The following TRAPPC10 variants were observed in gnomAD, a reference collection of about 807,000 sequenced individuals.
TRAPPC10 encodes the protein trafficking protein particle complex subunit 10.
TRAPPC10 carries 23 observed loss-of-function variants against 125.5 expected under a neutral mutation model. That is an observed-to-expected ratio of 0.18 (90% CI 0.13 to 0.26). The LOEUF (loss-of-function observed/expected upper bound fraction) is 0.26. Ranked by LOEUF, TRAPPC10 falls within the 10% of genes least tolerant of loss-of-function variation. TRAPPC10 has a pLI of 1.00. For synonymous variants in TRAPPC10, 509 were observed against 518.0 expected (o/e 0.98, Z 0.24); for missense variants, 1,123 against 1,308.4 (o/e 0.86, Z 2.19).
Position 44,094,175 on chromosome 21 carries a change from A to G in TRAPPC10, c.3110A>G (p.Glu1037Gly), listed in dbSNP as rs1366050477. 6.2e-7 allele frequency: 1 copy of G among 1,614,234 alleles called. No homozygotes were observed. The highest frequency in any genetic ancestry group is 2.2e-5 in the East Asian group (1 of 44,888). ...GTTGGATTTTCCCCAGCTTCTGAGG[A>G]ACAGCTGTCTATCTCCTTAAAGCCG... ...FSVGFSPASE[E>G]QLSISLKPYT... Residue 1037 changes from glutamate (E) to glycine (G), a missense_variant, in exon 20 of 23, where the codon GAA becomes GGA. Glu to Gly is a moderately conservative substitution (Grantham distance 98). Coordinates refer to ENST00000291574, the MANE Select transcript of TRAPPC10 (RefSeq NM_003274.5).
intron 3 of TRAPPC10, among the ~76,000 whole-genome samples, chr21:44,043,209 C>CTTT (rs34708259): frequency 2.9e-4 from 27 of 94,316 alleles, no homozygotes; most frequent in South Asian, 7.0e-4. Flanking sequence ...AATTATTACG[C>CTTT]TTTTTTTTTT....
At chr21:44,026,342 A>C (rs956724144) in intron 1 of TRAPPC10, among the ~76,000 whole-genome samples, 1 of 152,054 alleles carries the variant, frequency 6.6e-6, no homozygotes, top group Non-Finnish European at 1.5e-5. Context: ...TGAAGCATTA[A>C]TTTTCATTAC....
intron 19 of TRAPPC10, among the ~76,000 whole-genome samples, chr21:44,093,745 G>A (rs889953443): frequency 7.2e-5 from 11 of 152,116 alleles, no homozygotes; most frequent in African/African-American, 2.7e-4. Flanking sequence ...GCGACAAAGC[G>A]AGACTCCATT....
rs1363955685 is a variant in TRAPPC10 at position 44,076,569 on chromosome 21, C to A, written c.1318C>A (p.Pro440Thr). 2 of 1,614,006 alleles carry A rather than the reference C, an allele frequency of 1.2e-6. No homozygotes were observed. Among genetic ancestry groups the A allele is most frequent in the Non-Finnish European group, 1.7e-6 (2 of 1,179,928 alleles). Reference sequence around the variant, plus strand: ...TGTTTAAGCCAACACAGCTCAGAGTCCTTATAAGAAACTGAAAGAAGCATT... The same window carrying A: ...TGTTTAAGCCAACACAGCTCAGAGTACTTATAAGAAACTGAAAGAAGCATT... ...RPETANTAQS[P>T]YKKLKEALSS... is the part of the protein sequence containing the mutation. The change falls in exon 10 of 23, where the codon CCT becomes ACT. Residue 440 changes from proline (P) to threonine (T), a missense_variant. By Grantham distance (38) the Pro-to-Thr change is conservative. Coordinates refer to ENST00000291574, the MANE Select transcript of TRAPPC10 (RefSeq NM_003274.5).
At position 44,037,843 on chromosome 21, in the gene TRAPPC10, A is replaced by G. The variant is rs114309802; in HGVS notation, c.201A>G (p.Gln67=). 182 of 1,614,176 alleles carry G rather than the reference A, an allele frequency of 1.1e-4. 1 individual carries two copies. In the African/African-American group the frequency reaches 2.2e-3, roughly 20 times the overall value. Residue 67 remains glutamine (Q), a synonymous_variant, in exon 3 of 23, where the codon CAA becomes CAG. Transcript: ENST00000291574. Reference sequence around the variant, plus strand: ...TTCACCTAGAGTCTAACTTTGTTCAATTCAAAGAGGAGCTGCTGCCCAAAG... The same window carrying G: ...TTCACCTAGAGTCTAACTTTGTTCAGTTCAAAGAGGAGCTGCTGCCCAAAG... ...KMIHLESNFV[Q]FKEELLPKEG... is the part of the protein sequence containing the mutation.
chr21:44,032,818 A>T (rs576437340), intron 2 of TRAPPC10, among the ~76,000 whole-genome samples: 30 of 152,240 alleles, frequency 2.0e-4, no homozygotes, highest in Non-Finnish European at 4.1e-4. Context: ...GCGTTTTGCA[A>T]AGGAGACACG....
At chr21:44,046,835 G>T in intron 3 of TRAPPC10, 1 of 647,352 alleles carries the variant, frequency 1.5e-6, no homozygotes, top group South Asian at 1.6e-5. Flanking sequence ...TGCATTTCCT[G>T]CCAGTTCAAG....
At chr21:44,049,177 G>A (rs1025901935) in intron 3 of TRAPPC10, among the ~76,000 whole-genome samples, 1 of 152,108 alleles carries the variant, frequency 6.6e-6, no homozygotes, top group African/African-American at 2.4e-5. Context: ...ACACCCACAC[G>A]TGTACGTGCA....
At position 44,087,766 on chromosome 21, in the gene TRAPPC10, T is replaced by C; in HGVS notation, c.2607T>C (p.Val869=). ...AGGTCACGAGCATCAGTCTGCCTGT[T>C]GCGCCTGCGTACCACGTGATCGAAT... ...SDKVTSISLP[V]APAYHVIEFE... The change falls in exon 17 of 23, where the codon GTT becomes GTC. Residue 869 remains valine, a synonymous_variant. Transcript: ENST00000291574. The surrounding 1 kb of genome is among the most constrained non-coding windows in gnomAD (Gnocchi z 4.6). The C allele has an allele frequency of 6.2e-7, 1 of 1,614,226 alleles. No homozygotes were observed. Among genetic ancestry groups the C allele is most frequent in the South Asian group, 1.1e-5 (1 of 91,088 alleles).
At chr21:44,064,203 GT>G (rs2036257905) in intron 7 of TRAPPC10, among the ~76,000 whole-genome samples, 1 of 152,156 alleles carries the variant, frequency 6.6e-6, no homozygotes, top group African/African-American at 2.4e-5. Flanking sequence ...CAGATAAATA[GT>G]TTTGCACATG....
intron 1 of TRAPPC10, among the ~76,000 whole-genome samples, chr21:44,016,119 G>A (rs1243953259): frequency 4.6e-5 from 7 of 152,152 alleles, no homozygotes; most frequent in Non-Finnish European, 1.0e-4. Context: ...ATGAATGACC[G>A]AATCATAGCA....
At chr21:44,034,365 C>G (rs948004361) in intron 2 of TRAPPC10, among the ~76,000 whole-genome samples, 7 of 133,224 alleles carry the variant, frequency 5.3e-5, no homozygotes, top group African/African-American at 1.9e-4. Context: ...CCCTCAGGAA[C>G]CTGGAAAGTC....
At chr21:44,079,445 A>G in intron 11 of TRAPPC10, 119 bp from the exon 12 acceptor site, 2 of 1,146,866 alleles carry the variant, frequency 1.7e-6, no homozygotes, top group Non-Finnish European at 2.4e-6. Context: ...CTATCTAGAG[A>G]TGTTGAGTCT....
chr21:44,092,115 A>G (rs2038626722), intron 19 of TRAPPC10, 66 bp downstream of exon 19: 1 of 1,590,690 alleles, frequency 6.3e-7, no homozygotes, highest in Admixed American at 1.7e-5. Flanking sequence ...GAAATGATGT[A>G]GTATGTGTTG....
chr21:44,093,997 G>C (rs999783940), intron 19 of TRAPPC10, 66 bp from the exon 20 acceptor site: 1 of 1,515,770 alleles, frequency 6.6e-7, no homozygotes, highest in African/African-American at 1.4e-5. Flanking sequence ...GTGTTTCGCT[G>C]CAGTGTCTGT....
intron 3 of TRAPPC10, chr21:44,046,380 CAG>C: frequency 3.7e-6 from 1 of 272,918 alleles, no homozygotes; most frequent in East Asian, 1.1e-4. Context: ...TCTTCCCAGT[CAG>C]AGATTTGTGG....
At position 44,063,385 on chromosome 21, in the gene TRAPPC10, C is replaced by T. The variant is rs573786206; in HGVS notation, c.791-153C>T. On this transcript the variant is annotated intron_variant, in intron 6 of 22. Coordinates refer to ENST00000291574, the MANE Select transcript of TRAPPC10 (RefSeq NM_003274.5). The surrounding 1 kb of genome is among the most constrained non-coding windows in gnomAD (Gnocchi z 4.4). The stretch of plus-strand genomic sequence containing the variant: ...CAGCTCGGCTGTCAGTGCTGGGAGC[C>T]GAATGCATCACTAGACCACAGGGGG... 2.0e-4 allele frequency among the ~76,000 whole-genome samples: 31 copies of T among 152,214 alleles called. No individual in the cohort carries two copies. The highest frequency in any genetic ancestry group is 3.1e-4 in the Non-Finnish European group (21 of 68,010).
At position 44,031,114 on chromosome 21, in the gene TRAPPC10, T is replaced by A. The variant is rs569617813; in HGVS notation, c.68-977T>A. Among the ~76,000 whole-genome samples, 174 of 152,308 alleles carry A rather than the reference T, an allele frequency of 1.1e-3. 2 individuals are homozygous for A. The highest frequency in any genetic ancestry group is 1.7e-3 in the Non-Finnish European group (118 of 68,016). On this transcript the variant is annotated intron_variant, in intron 1 of 22. Transcript: ENST00000291574. Reference sequence around the variant, plus strand: ...TCACCGTGCCATCTGCCCGGAAATGTCATTACCCTTCCTCAGTGACTTGAC... The same window carrying A: ...TCACCGTGCCATCTGCCCGGAAATGACATTACCCTTCCTCAGTGACTTGAC...
intron 3 of TRAPPC10, among the ~76,000 whole-genome samples, chr21:44,044,744 A>G (rs1601637625): frequency 6.8e-6 from 1 of 146,970 alleles, no homozygotes; most frequent in East Asian, 2.0e-4. Flanking sequence ...GCTCACTGCA[A>G]CCTCCGCCTC....
Sources: gnomAD v4.1 joint callset for allele counts (sites outside exome capture counted in the v4.1 genomes callset) on GRCh38, gnomAD v4.1.1 for gene constraint, Gnocchi (gnomAD v3.1) non-coding constraint, MANE v1.5 for transcripts, NCBI Gene and HGNC (gene_info 2026-07-23, HGNC 2026-07-21) for gene names.